ASMTL: variants seen among roughly 807,000 people sequenced by gnomAD.
ASMTL encodes acetylserotonin O-methyltransferase like.
Under a neutral mutation model 60.3 loss-of-function variants are expected in ASMTL, and 57 were observed. That is an observed-to-expected ratio of 0.95 (90% confidence interval 0.76 to 1.18). The LOEUF (loss-of-function observed/expected upper bound fraction) is 1.18, where lower values mean the gene tolerates loss of function less well. Among genes scored for constraint, ASMTL ranks in the 50% most tolerant of loss-of-function variants. The pLI is 0.00. For synonymous variants in ASMTL, 419 were observed against 373.0 expected (o/e 1.12, Z -1.42); for missense variants, 981 against 852.6 (o/e 1.15, Z -1.88).
intron 9 of ASMTL, among the ~76,000 whole-genome samples, chrX:1,420,948 G>C (rs1399345285): frequency 7.1e-6 from 1 of 140,196 alleles, no homozygotes; most frequent in Non-Finnish European, 1.5e-5. Flanking sequence ...AATCATACCT[G>C]GCTAATCGTT....
chrX:1,432,492 A>G (rs1319512008), intron 5 of ASMTL, 115 bp from the exon 6 acceptor site: 28 of 751,012 alleles, frequency 3.7e-5, no homozygotes, highest in Non-Finnish European at 6.1e-5. Flanking sequence ...CACAGTTCAG[A>G]TATGGATGCT....
At chrX:1,407,994 C>T (rs1213838722) in intron 12 of ASMTL, among the ~76,000 whole-genome samples, 1 of 151,900 alleles carries the variant, frequency 6.6e-6, no homozygotes, top group Admixed American at 6.6e-5. Context: ...CGCTTGAGCC[C>T]AGGAAGGGTA....
intron 3 of ASMTL, among the ~76,000 whole-genome samples, chrX:1,438,519 C>G (rs1432301110): frequency 6.6e-6 from 1 of 151,896 alleles, no homozygotes; most frequent in East Asian, 1.9e-4. Flanking sequence ...TGCGTACCTT[C>G]CTGTGCCTTT....
Position 1,421,608 on chromosome X carries a change from T to C in ASMTL, c.1245+50A>G, listed in dbSNP as rs191568244. ...TACTGATCTGTGTGTCAAAGTGTTT[T>C]AGCAAAATGCACGCTAGACGGAAAG... is the stretch of plus-strand genomic sequence containing the variant. On this transcript the variant is annotated intron_variant, in intron 9 of 12. Coordinates refer to ENST00000381317, the MANE Select transcript of ASMTL (RefSeq NM_004192.4). 4.4e-5 allele frequency: 71 copies of C among 1,603,218 alleles called. No homozygotes were observed. In the African/African-American group the frequency reaches 8.2e-4, roughly 18 times the overall value.
At chrX:1,452,950 ACGCCCCCGCC>A, upstream of ASMTL, 1 of 852,644 alleles carries the variant, frequency 1.2e-6, no homozygotes, top group Non-Finnish European at 1.7e-6. Flanking sequence ...CCGCGAGGCC[ACGCCCCCGCC>A]CGCCTCCGCG....
chrX:1,438,616 G>A lies in ASMTL; in HGVS notation c.273+481C>T, dbSNP rs1441541596. 3.3e-5 allele frequency among the ~76,000 whole-genome samples: 5 copies of A among 152,188 alleles called. No homozygotes were observed. In the East Asian group the frequency reaches 7.7e-4, roughly 23 times the overall value. ...GCAACCCCGCCTCCTGGGTTCGAGC[G>A]ATTCCCCTGCCTCAGCCTCCCGAGT... On this transcript the variant is annotated intron_variant, in intron 3 of 12. Transcript: ENST00000381317.
In ASMTL at chrX:1,427,921, T is replaced by TGAC. The variant is rs773914984; in HGVS notation, c.709_710insGTC (p.Asp237delinsGlyHis). 4 of 1,613,292 alleles carry TGAC rather than the reference T, an allele frequency of 2.5e-6. No individual in the cohort carries two copies. In the South Asian group the frequency reaches 4.4e-5, roughly 18 times the overall value. On this transcript the variant is annotated protein_altering_variant, in exon 7 of 13. Coordinates refer to ENST00000381317, the MANE Select transcript of ASMTL (RefSeq NM_004192.4). ...GCCGCCCCCCTCCACGTCACTGAGG[T>TGAC]CTTCGAAGGTGTCCGCGGCCGGGAT...
rs58525749 is a variant in ASMTL at position 1,451,153 on chromosome X, G to A, written c.93+1595C>T. Reference sequence around the variant, plus strand: ...CCTCCCCATTCCTAGGGGGTCCTGGGACACTCCTCCCTCCCCATCCCTAGG... The same window carrying A: ...CCTCCCCATTCCTAGGGGGTCCTGGAACACTCCTCCCTCCCCATCCCTAGG... On this transcript the variant is annotated intron_variant, in intron 1 of 12. Transcript: ENST00000381317. Among the ~76,000 whole-genome samples the A allele has an allele frequency of 8.8e-5, 2 of 22,602 alleles. 1 individual carries two copies. The highest frequency in any genetic ancestry group is 3.9e-4 in the African/African-American group (2 of 5,130). 14.8% of individuals were successfully genotyped at this position (22,602 alleles called of 152,430 possible). A position where few individuals can be genotyped will look rare whatever the true frequency, so the allele number is the denominator to read the frequency against.
intron 11 of ASMTL, 80 bp downstream of exon 11, chrX:1,417,893 A>G (rs1166961761): frequency 4.6e-5 from 69 of 1,514,916 alleles, no homozygotes; most frequent in Non-Finnish European, 5.9e-5. Context: ...ACACAGGTGC[A>G]CACACAGCCA....
At chrX:1,410,626 C>A (rs1199458043) in intron 12 of ASMTL, among the ~76,000 whole-genome samples, 1 of 152,040 alleles carries the variant, frequency 6.6e-6, no homozygotes, top group Admixed American at 6.6e-5. Flanking sequence ...GTGGCTTAGG[C>A]TGGTCTCGAA....
At position 1,439,078 on chromosome X, in the gene ASMTL, G is replaced by T. The variant is rs200630112; in HGVS notation, c.273+19C>A. The stretch of plus-strand genomic sequence containing the variant: ...AACCACATCGGACATTAGAAACGAG[G>T]CACCCTGGCCGCACTCACCACGATC... On this transcript the variant is annotated intron_variant, in intron 3 of 12. Coordinates refer to ENST00000381317, the MANE Select transcript of ASMTL (RefSeq NM_004192.4). The T allele has an allele frequency of 3.7e-6, 6 of 1,613,530 alleles. No homozygotes were observed. The highest frequency in any genetic ancestry group is 5.1e-6 in the Non-Finnish European group (6 of 1,179,474).
rs749714491 is a variant in ASMTL at position 1,431,341 on chromosome X, A to G, written c.509+928T>C. Among the ~76,000 whole-genome samples, 995 of 132,404 alleles carry G rather than the reference A, an allele frequency of 7.5e-3. 14 individuals carry two copies. Among genetic ancestry groups the G allele is most frequent in the African/African-American group, 0.026 (952 of 36,598 alleles). 86.9% of individuals were successfully genotyped at this position (132,404 alleles called of 152,430 possible). On this transcript the variant is annotated intron_variant, in intron 6 of 12. Coordinates refer to ENST00000381317, the MANE Select transcript of ASMTL (RefSeq NM_004192.4). ...ATTTTATATATAATTATAAATAATTATAAATATAAATTATATAATTTATAT... is the reference window on the plus strand; with the variant it reads ...ATTTTATATATAATTATAAATAATTGTAAATATAAATTATATAATTTATAT...
chrX:1,440,112 A>C (rs1271215519), intron 2 of ASMTL, among the ~76,000 whole-genome samples: 2 of 142,204 alleles, frequency 1.4e-5, no homozygotes, highest in South Asian at 2.2e-4. Context: ...TTTGAGATGG[A>C]GTCTCGCTCT....
At chrX:1,430,494 G>A (rs1387947527) in intron 6 of ASMTL, among the ~76,000 whole-genome samples, 5 of 152,058 alleles carry the variant, frequency 3.3e-5, no homozygotes, top group African/African-American at 9.7e-5. Context: ...AATCGGCCGC[G>A]TGTGTTGGTG....
intron 1 of ASMTL, 123 bp from the exon 2 acceptor site, chrX:1,442,440 G>T: frequency 1.8e-6 from 2 of 1,116,850 alleles, no homozygotes; most frequent in Non-Finnish European, 2.6e-6. Flanking sequence ...TCCCAGGTGA[G>T]CTCATCCATC....
At chrX:1,410,952 C>G (rs754345610) in intron 12 of ASMTL, among the ~76,000 whole-genome samples, 2 of 151,796 alleles carry the variant, frequency 1.3e-5, no homozygotes, top group East Asian at 3.9e-4. Context: ...TTGGGAGTCC[C>G]AGCTGGGTGG....
intron 12 of ASMTL, among the ~76,000 whole-genome samples, chrX:1,407,449 T>C (rs1440006376): frequency 6.8e-6 from 1 of 146,150 alleles, no homozygotes; most frequent in African/African-American, 2.6e-5. Flanking sequence ...AGATGGTAGA[T>C]GATAGGTAGA....
chrX:1,444,230 C>T (rs1327731000), intron 1 of ASMTL, among the ~76,000 whole-genome samples: 7 of 142,152 alleles, frequency 4.9e-5, no homozygotes, highest in African/African-American at 1.6e-4. Context: ...TTTTTTGAAA[C>T]GGAGTCTCGC....
In ASMTL at chrX:1,432,261, A is replaced by G. The variant is rs746180050; in HGVS notation, c.509+8T>C. On this transcript the variant is annotated splice_region_variant and intron_variant, in intron 6 of 12. Transcript: ENST00000381317. Reference sequence around the variant, plus strand: ...GTCCCCCGTCCCCCCACCGCCCCCGAGACTCACATGGGCTCCCCGCTGTGG... The same window carrying G: ...GTCCCCCGTCCCCCCACCGCCCCCGGGACTCACATGGGCTCCCCGCTGTGG... 4.0e-6 allele frequency: 6 copies of G among 1,497,274 alleles called. No homozygotes were observed. Among genetic ancestry groups the G allele is most frequent in the African/African-American group, 1.4e-5 (1 of 72,350 alleles). 92.7% of individuals were successfully genotyped at this position (1,497,274 alleles called of 1,614,324 possible).
Sources: gnomAD v4.1 joint callset for allele counts (sites outside exome capture counted in the v4.1 genomes callset) on GRCh38, gnomAD v4.1.1 for gene constraint, MANE v1.5 for transcripts, NCBI Gene and HGNC (gene_info 2026-07-23, HGNC 2026-07-21) for gene names.